CNTN5: variants seen among roughly 807,000 people sequenced by gnomAD.
CNTN5 encodes contactin-5.
In CNTN5, 77 loss-of-function variants were observed where a neutral mutation model predicts 129.1. The ratio of observed to expected loss-of-function variants is 0.60; its 90% CI spans 0.50 to 0.72. CNTN5 has a LOEUF of 0.72. CNTN5 is among the 30% of genes least tolerant of loss of function. CNTN5 has a pLI of 0.00. For missense variants in CNTN5, 1,478 were observed against 1,328.8 expected (o/e 1.11, Z -1.75); for synonymous variants, 509 against 465.6 (o/e 1.09, Z -1.20).
chr11:99,554,570 G>A (rs1402931722), intron 2 of CNTN5, among the ~76,000 whole-genome samples: 2 of 152,100 alleles, frequency 1.3e-5, no homozygotes, highest in Admixed American at 6.6e-5. Flanking sequence ...TTAGGACATT[G>A]TAAATAGAGC....
chr11:99,970,446 A>G (rs952274767), intron 8 of CNTN5, among the ~76,000 whole-genome samples: 1 of 152,200 alleles, frequency 6.6e-6, no homozygotes, highest in South Asian at 2.1e-4. Flanking sequence ...AGTTTAATTT[A>G]TTATCTACTT....
intron 13 of CNTN5, among the ~76,000 whole-genome samples, chr11:100,162,587 C>T (rs1448737049): frequency 6.6e-6 from 1 of 151,730 alleles, no homozygotes; most frequent in African/African-American, 2.4e-5. Flanking sequence ...TAAGCTATTG[C>T]TTTTCTCACC....
intron 13 of CNTN5, among the ~76,000 whole-genome samples, chr11:100,115,408 C>G (rs972949174): frequency 6.6e-5 from 10 of 152,040 alleles, no homozygotes; most frequent in African/African-American, 2.4e-4. Flanking sequence ...CAAACACACA[C>G]ACCAAAAAAA....
At chr11:99,853,392 A>T (rs944214802) in intron 6 of CNTN5, among the ~76,000 whole-genome samples, 6 of 148,578 alleles carry the variant, frequency 4.0e-5, no homozygotes, top group Admixed American at 1.3e-4. Flanking sequence ...ACGTATATAT[A>T]TTATTTGTAT....
chr11:99,913,435 A>G lies in CNTN5; in HGVS notation c.578-2619A>G, dbSNP rs139731115. ...GTACAGACTTCTTTTTAGTATTTAT[A>G]TGTCTTCAAGAAAGAAAAAAAAAAT... On this transcript the variant is annotated intron_variant, in intron 6 of 24. Coordinates refer to ENST00000524871, the MANE Select transcript of CNTN5 (RefSeq NM_014361.4). Among the ~76,000 whole-genome samples the G allele has an allele frequency of 5.0e-3, 741 of 147,418 alleles. 7 individuals carry two copies. The highest frequency in any genetic ancestry group is 0.018 in the African/African-American group (678 of 37,274).
chr11:99,446,150 T>A (rs17133553), intron 2 of CNTN5, among the ~76,000 whole-genome samples: 6,820 of 151,828 alleles, frequency 0.045, 244 homozygotes, highest in South Asian at 0.11. Flanking sequence ...ATGTTCTTGA[T>A]TACTGTGGCT....
At chr11:99,498,151 C>G (rs1429040261) in intron 2 of CNTN5, among the ~76,000 whole-genome samples, 1 of 152,100 alleles carries the variant, frequency 6.6e-6, no homozygotes, top group East Asian at 1.9e-4. Flanking sequence ...TTTTCCATGT[C>G]TTTTTGTCAT....
intron 19 of CNTN5, among the ~76,000 whole-genome samples, chr11:100,298,122 C>T (rs1402275052): frequency 1.3e-5 from 2 of 151,240 alleles, no homozygotes; most frequent in East Asian, 2.0e-4. Flanking sequence ...TGTTAAATAA[C>T]CTTATTATTA....
At chr11:99,841,895 TA>T (rs111359971) in intron 4 of CNTN5, among the ~76,000 whole-genome samples, 12,798 of 34,730 alleles carry the variant, frequency 0.37, 1,045 homozygotes, top group Admixed American at 0.52. Flanking sequence ...CATATATATA[TA>T]TTTTTTTTTT....
At chr11:99,462,134 T>TA (rs548448430) in intron 2 of CNTN5, among the ~76,000 whole-genome samples, 140 of 152,250 alleles carry the variant, frequency 9.2e-4, no homozygotes, top group African/African-American at 3.2e-3. Context: ...ACTGGGAAGG[T>TA]ATAACATAAC....
chr11:99,180,368 G>A (rs925497295), intron 1 of CNTN5, among the ~76,000 whole-genome samples: 3 of 152,144 alleles, frequency 2.0e-5, no homozygotes, highest in East Asian at 1.9e-4. Context: ...TCTGTGCACA[G>A]GCGAGGAGAG....
intron 3 of CNTN5, among the ~76,000 whole-genome samples, chr11:99,657,340 TTTTGGGAA>T (rs1463596511): frequency 7.2e-5 from 11 of 152,118 alleles, no homozygotes; most frequent in African/African-American, 2.6e-4. Flanking sequence ...CCTGCATCTA[TTTTGGGAA>T]TTTGGGGGTT....
At chr11:99,975,010 C>T (rs1249874078) in intron 8 of CNTN5, among the ~76,000 whole-genome samples, 1 of 152,228 alleles carries the variant, frequency 6.6e-6, no homozygotes, top group Non-Finnish European at 1.5e-5. Context: ...ACAAATTTTA[C>T]AGATGGGCAA....
At chr11:99,246,854 A>G (rs1293214071) in intron 1 of CNTN5, among the ~76,000 whole-genome samples, 4 of 152,202 alleles carry the variant, frequency 2.6e-5, no homozygotes, top group Admixed American at 6.5e-5. Context: ...CTTTATGCAT[A>G]TGATACAAAA....
At chr11:100,337,968 G>A (rs562169866) in intron 21 of CNTN5, among the ~76,000 whole-genome samples, 13 of 152,298 alleles carry the variant, frequency 8.5e-5, no homozygotes, top group South Asian at 8.3e-4. Context: ...AAGTCAATTT[G>A]TCCCAGTCAT....
chr11:99,047,966 A>G (rs1429842558), intron 1 of CNTN5, among the ~76,000 whole-genome samples: 1 of 152,060 alleles, frequency 6.6e-6, no homozygotes, highest in African/African-American at 2.4e-5. Context: ...ATGTGTATGG[A>G]AAGTTAATTC....
chr11:100,246,894 C>T (rs928640567), intron 16 of CNTN5, among the ~76,000 whole-genome samples: 1 of 152,152 alleles, frequency 6.6e-6, no homozygotes, highest in Non-Finnish European at 1.5e-5. Context: ...ACGTGCCATG[C>T]ACTGTCCCCT....
intron 1 of CNTN5, among the ~76,000 whole-genome samples, chr11:99,201,800 C>A (rs183835803): frequency 5.1e-4 from 78 of 152,226 alleles, no homozygotes; most frequent in African/African-American, 1.7e-3. Context: ...CTAGAAGGAG[C>A]AAAGGGCAAG....
chr11:99,052,366 G>A (rs112050016), intron 1 of CNTN5, among the ~76,000 whole-genome samples: 15 of 151,694 alleles, frequency 9.9e-5, no homozygotes, highest in African/African-American at 2.7e-4. Flanking sequence ...AGATTATAAC[G>A]TGCTATTTTT....
Sources: gnomAD v4.1 joint callset for allele counts (sites outside exome capture counted in the v4.1 genomes callset) on GRCh38, gnomAD v4.1.1 for gene constraint, MANE v1.5 for transcripts, NCBI Gene and HGNC (gene_info 2026-07-23, HGNC 2026-07-21) for gene names.